The following TENM2 variants were observed in gnomAD, a reference collection of about 807,000 sequenced individuals.
The protein encoded by TENM2 is teneurin-2.
A neutral mutation model predicts 245.2 loss-of-function variants in TENM2; 52 were observed. That is an observed-to-expected ratio of 0.21 (90% CI 0.17 to 0.27). TENM2 has a LOEUF of 0.27. Ranked by LOEUF, TENM2 falls within the 10% of genes least tolerant of loss-of-function variation. The pLI, the probability that TENM2 is intolerant of heterozygous loss-of-function variation, is 1.00. For synonymous variants in TENM2, 1,363 were observed against 1,438.9 expected, an observed-to-expected ratio of 0.95 and a Z score of 1.19; for missense variants, 3,046 against 3,666.8, an observed-to-expected ratio of 0.83 and a Z score of 4.37.
intron 2 of TENM2, among the ~76,000 whole-genome samples, chr5:167,667,002 A>G (rs1755621346): frequency 6.6e-6 from 1 of 152,228 alleles, no homozygotes; most frequent in Non-Finnish European, 1.5e-5. Context: ...TTTATGAGTT[A>G]CCTTATACAT....
chr5:167,731,743 C>T (rs1760457011), intron 2 of TENM2, among the ~76,000 whole-genome samples: 1 of 146,044 alleles, frequency 6.8e-6, no homozygotes, highest in Non-Finnish European at 1.5e-5. Flanking sequence ...TTGCTTGCCT[C>T]CAAATGGTTC....
chr5:168,192,371 C>A (rs1329597196), intron 14 of TENM2, among the ~76,000 whole-genome samples: 4 of 152,182 alleles, frequency 2.6e-5, no homozygotes, highest in African/African-American at 9.7e-5. Flanking sequence ...CCATCATTCA[C>A]CAGTCAGAAC....
chr5:167,727,506 A>C (rs573721706), intron 2 of TENM2, among the ~76,000 whole-genome samples: 1 of 152,144 alleles, frequency 6.6e-6, no homozygotes, highest in Non-Finnish European at 1.5e-5. Context: ...TACTCCATAC[A>C]TCTGCAATTT....
chr5:167,652,223 C>G (rs1754520669), intron 2 of TENM2, among the ~76,000 whole-genome samples: 1 of 152,148 alleles, frequency 6.6e-6, no homozygotes, highest in Non-Finnish European at 1.5e-5. Context: ...AATGCACTTT[C>G]TCTATGGCAT....
At chr5:168,116,846 G>A (rs866675527) in intron 9 of TENM2, among the ~76,000 whole-genome samples, 2 of 152,250 alleles carry the variant, frequency 1.3e-5, no homozygotes, top group African/African-American at 4.8e-5. Context: ...GCGCTCACCC[G>A]GGTTGTAGAT....
At chr5:167,312,476 T>TG (rs1200155144) in intron 1 of TENM2, among the ~76,000 whole-genome samples, 1 of 152,092 alleles carries the variant, frequency 6.6e-6, no homozygotes, top group East Asian at 1.9e-4. Context: ...ACAAAAAAAA[T>TG]GGAGTCAAGA....
chr5:167,859,360 C>T (rs1478852218), intron 2 of TENM2, among the ~76,000 whole-genome samples: 2 of 147,612 alleles, frequency 1.4e-5, no homozygotes, highest in African/African-American at 5.0e-5. Flanking sequence ...CCGGCAGCCA[C>T]CCCGTCCGGG....
chr5:167,284,248 A>C (rs2127708202), upstream of TENM2, among the ~76,000 whole-genome samples: 1 of 150,454 alleles, frequency 6.6e-6, no homozygotes, highest in Middle Eastern at 3.4e-3. Flanking sequence ...ATGTTATGTT[A>C]GTTGAATGTG....
chr5:168,179,647 C>G (rs975342845), intron 13 of TENM2, among the ~76,000 whole-genome samples: 1 of 152,220 alleles, frequency 6.6e-6, no homozygotes, highest in African/African-American at 2.4e-5. Flanking sequence ...GTCACACAAC[C>G]TTACATGGCA....
chr5:167,743,811 C>A (rs1761373740), intron 2 of TENM2, among the ~76,000 whole-genome samples: 1 of 152,154 alleles, frequency 6.6e-6, no homozygotes, highest in African/African-American at 2.4e-5. Context: ...AAAAGTAGAT[C>A]TTTTAATCAG....
chr5:167,944,371 G>A (rs1320048345), intron 3 of TENM2, among the ~76,000 whole-genome samples: 1 of 151,234 alleles, frequency 6.6e-6, no homozygotes, highest in African/African-American at 2.4e-5. Context: ...TGTGCAACTC[G>A]TTCTCAAATG....
intron 1 of TENM2, among the ~76,000 whole-genome samples, chr5:167,301,471 C>A (rs981341482): frequency 2.0e-4 from 30 of 152,166 alleles, no homozygotes; most frequent in Admixed American, 1.0e-3. Context: ...CAAGGAATTG[C>A]AACTCAGAAA....
the TENM2 span, among the ~76,000 whole-genome samples, chr5:167,122,593 G>A: frequency 6.6e-6 from 1 of 152,148 alleles, no homozygotes; most frequent in Non-Finnish European, 1.5e-5. Flanking sequence ...CACATAGCAT[G>A]TGTACATTTT....
the TENM2 span, among the ~76,000 whole-genome samples, chr5:167,080,989 T>C: frequency 2.0e-5 from 3 of 152,074 alleles, no homozygotes; most frequent in Admixed American, 1.3e-4. Flanking sequence ...TATATTTTTC[T>C]GACTTTCTAC....
chr5:167,464,376 T>C (rs1166046071), intron 2 of TENM2, among the ~76,000 whole-genome samples: 1 of 152,194 alleles, frequency 6.6e-6, no homozygotes, highest in South Asian at 2.1e-4. Flanking sequence ...AGAGTATATC[T>C]TCGACAAGTA....
At chr5:167,800,182 G>A (rs1422599821) in intron 2 of TENM2, among the ~76,000 whole-genome samples, 1 of 152,180 alleles carries the variant, frequency 6.6e-6, no homozygotes, top group Admixed American at 6.5e-5. Context: ...AGTAATCCCT[G>A]AAAAACTGGC....
At chr5:168,069,025 A>G (rs187041839) in intron 7 of TENM2, among the ~76,000 whole-genome samples, 3 of 151,632 alleles carry the variant, frequency 2.0e-5, no homozygotes, top group Admixed American at 6.6e-5. Context: ...CCTTAGATAT[A>G]AAAAAAGGGG....
the TENM2 span, among the ~76,000 whole-genome samples, chr5:167,156,046 C>T: frequency 1.3e-5 from 2 of 152,116 alleles, no homozygotes. Flanking sequence ...AGTGGTAGGA[C>T]AAGTGGGTTT....
intron 2 of TENM2, among the ~76,000 whole-genome samples, chr5:167,588,447 C>T (rs1321629768): frequency 6.6e-6 from 1 of 152,158 alleles, no homozygotes; most frequent in Non-Finnish European, 1.5e-5. Flanking sequence ...GTGTGAAATT[C>T]ATTTTAGAAT....
Sources: allele counts gnomAD v4.1 joint callset (sites outside exome capture counted in the v4.1 genomes callset), GRCh38; gene constraint gnomAD v4.1.1; transcripts MANE v1.5; gene names NCBI Gene and HGNC (gene_info 2026-07-23, HGNC 2026-07-21).